The following RIMS2 variants were observed in gnomAD, a reference collection of about 807,000 sequenced individuals.
RIMS2 encodes the protein regulating synaptic membrane exocytosis 2, also known as regulating synaptic membrane exocytosis protein 2.
In RIMS2, 59 loss-of-function variants were observed where a neutral mutation model predicts 174.4. The observed-to-expected ratio is 0.34, with a 90% confidence interval of 0.27 to 0.42. The LOEUF is 0.42. Ranked by LOEUF, RIMS2 falls within the 10% of genes least tolerant of loss-of-function variation. The probability of loss-of-function intolerance (pLI) is 1.00; values close to 1 mark genes in which losing one functional copy is unlikely to be tolerated. For synonymous variants in RIMS2, 606 were observed against 572.5 expected, an observed-to-expected ratio of 1.06 and a Z score of -0.84; for missense variants, 1,620 against 1,666.3, an observed-to-expected ratio of 0.97 and a Z score of 0.48.
chr8:103,638,787 C>G (rs1388727992), intron 1 of RIMS2, among the ~76,000 whole-genome samples: 3 of 151,998 alleles, frequency 2.0e-5, no homozygotes, highest in African/African-American at 7.2e-5. Context: ...CAGATGGGCT[C>G]ACTGCAATTG....
intron 14 of RIMS2, among the ~76,000 whole-genome samples, chr8:103,952,858 A>G (rs2085863866): frequency 6.6e-6 from 1 of 152,176 alleles, no homozygotes; most frequent in African/African-American, 2.4e-5. Context: ...GGAAGCTAAG[A>G]ACCTTGAAAA....
chr8:103,761,008 T>G (rs189442307), intron 2 of RIMS2, among the ~76,000 whole-genome samples: 11 of 152,362 alleles, frequency 7.2e-5, no homozygotes, highest in Non-Finnish European at 1.5e-4. Flanking sequence ...AAATGTAATA[T>G]TATTCTTTTA....
intron 19 of RIMS2, among the ~76,000 whole-genome samples, chr8:104,056,708 C>T (rs1039331062): frequency 2.6e-5 from 4 of 152,022 alleles, no homozygotes; most frequent in East Asian, 3.9e-4. Context: ...ATAGCGATAC[C>T]TCGTCTCTAC....
intron 1 of RIMS2, among the ~76,000 whole-genome samples, chr8:103,624,531 A>T (rs2095730218): frequency 6.6e-6 from 1 of 152,196 alleles, no homozygotes; most frequent in African/African-American, 2.4e-5. Context: ...CTTTATATAT[A>T]TGACAAGGTT....
intron 14 of RIMS2, among the ~76,000 whole-genome samples, chr8:103,947,861 A>G (rs1352482115): frequency 1.3e-5 from 2 of 152,204 alleles, no homozygotes; most frequent in Non-Finnish European, 2.9e-5. Flanking sequence ...TCATAATTGT[A>G]TGGGACCGCT....
chr8:104,043,701 A>G (rs1429091557), intron 19 of RIMS2, among the ~76,000 whole-genome samples: 1 of 151,684 alleles, frequency 6.6e-6, no homozygotes, highest in Non-Finnish European at 1.5e-5. Flanking sequence ...TATCTTAAGA[A>G]TTTTCAGATG....
chr8:103,504,849 T>C (rs374789512), intron 1 of RIMS2, among the ~76,000 whole-genome samples: 1 of 100,740 alleles, frequency 9.9e-6, no homozygotes, highest in South Asian at 3.1e-4. Context: ...TTTCTTTCTT[T>C]TTTTTTTTTT....
intron 1 of RIMS2, among the ~76,000 whole-genome samples, chr8:103,634,827 G>A (rs2096033742): frequency 6.6e-6 from 1 of 152,078 alleles, no homozygotes; most frequent in Admixed American, 6.6e-5. Context: ...TGTCTGAAAT[G>A]AGGATTGTCA....
At chr8:104,025,891 A>T (rs1208016995) in intron 19 of RIMS2, among the ~76,000 whole-genome samples, 2 of 152,196 alleles carry the variant, frequency 1.3e-5, no homozygotes, top group Admixed American at 1.3e-4. Context: ...TGCAGTATTT[A>T]GTATGGTAAC....
At chr8:103,781,883 G>T (rs1564609876) in intron 3 of RIMS2, among the ~76,000 whole-genome samples, 2 of 151,720 alleles carry the variant, frequency 1.3e-5, no homozygotes, top group Admixed American at 1.3e-4. Context: ...AAGTAACTGG[G>T]ATTACAGGTG....
At chr8:103,725,931 C>T (rs986809346) in intron 2 of RIMS2, among the ~76,000 whole-genome samples, 14 of 152,068 alleles carry the variant, frequency 9.2e-5, no homozygotes, top group African/African-American at 3.4e-4. Flanking sequence ...GAGCATTATT[C>T]GTGTTTTTCG....
intron 12 of RIMS2, 48 bp from the exon 15 acceptor site, chr8:103,936,503 A>C (rs751283251): frequency 1.6e-6 from 2 of 1,281,228 alleles, no homozygotes; most frequent in African/African-American, 3.1e-5. Context: ...TTTTAGGACA[A>C]AACTTATAGT....
intron 19 of RIMS2, among the ~76,000 whole-genome samples, chr8:104,070,444 G>C (rs1381908381): frequency 6.6e-6 from 1 of 152,166 alleles, no homozygotes; most frequent in Non-Finnish European, 1.5e-5. Context: ...AACAGGTATA[G>C]TAAATTTTGT....
At chr8:104,101,327 A>G (rs967798846) in intron 19 of RIMS2, among the ~76,000 whole-genome samples, 6 of 151,834 alleles carry the variant, frequency 4.0e-5, no homozygotes, top group East Asian at 1.9e-4. Context: ...GCATTTTGCC[A>G]TGTTGCCCAG....
intron 19 of RIMS2, among the ~76,000 whole-genome samples, chr8:104,205,787 G>A (rs550806982): frequency 3.2e-4 from 47 of 149,028 alleles, no homozygotes; most frequent in Admixed American, 1.8e-3. Flanking sequence ...ATGAAGTCTC[G>A]CTGTGTCACC....
intron 19 of RIMS2, among the ~76,000 whole-genome samples, chr8:104,128,070 G>A (rs934369847): frequency 3.3e-5 from 5 of 152,106 alleles, no homozygotes; most frequent in African/African-American, 4.8e-5. Flanking sequence ...ACTGAAACAG[G>A]TGAAACAGGG....
intron 19 of RIMS2, among the ~76,000 whole-genome samples, chr8:104,026,594 T>C (rs535527891): frequency 1.6e-4 from 24 of 152,096 alleles, no homozygotes; most frequent in Non-Finnish European, 2.8e-4. Flanking sequence ...TCTACATTGT[T>C]TCAAATACAG....
chr8:103,613,465 G>C (rs2095434358), intron 1 of RIMS2, among the ~76,000 whole-genome samples: 1 of 152,178 alleles, frequency 6.6e-6, no homozygotes, highest in Admixed American at 6.5e-5. Flanking sequence ...GCTCCCCTCT[G>C]GCCTAGGGCA....
chr8:104,138,453 G>A (rs1296181794), intron 19 of RIMS2, among the ~76,000 whole-genome samples: 1 of 151,796 alleles, frequency 6.6e-6, no homozygotes, highest in Non-Finnish European at 1.5e-5. Flanking sequence ...CTCTTTTTTC[G>A]ATAAAATCCA....
Sources: allele counts gnomAD v4.1 joint callset (sites outside exome capture counted in the v4.1 genomes callset), GRCh38; gene constraint gnomAD v4.1.1; transcripts MANE v1.5; gene names NCBI Gene and HGNC (gene_info 2026-07-23, HGNC 2026-07-21).